The following SEMA4G variants were observed in gnomAD, a reference collection of about 807,000 sequenced individuals.
SEMA4G encodes semaphorin-4G.
A neutral mutation model predicts 81.2 loss-of-function variants in SEMA4G; 59 were observed. The observed-to-expected ratio is 0.73, with a 90% confidence interval of 0.59 to 0.90. The LOEUF (loss-of-function observed/expected upper bound fraction) is 0.90, where lower values mean the gene tolerates loss of function less well. SEMA4G is among the 40% of genes least tolerant of loss of function. The pLI is 0.00. For missense variants in SEMA4G, 952 were observed against 1,102.3 expected (o/e 0.86, Z 1.93); for synonymous variants, 404 against 433.9 (o/e 0.93, Z 0.86).
rs547176779 is a variant in SEMA4G at position 100,979,654 on chromosome 10, AG to A, written c.984-193del. On this transcript the variant is annotated intron_variant, in intron 8 of 13. Coordinates refer to ENST00000370250, the Ensembl canonical transcript of SEMA4G. ...CCTCGGCCTCTCAAAGTGCTGGCAA[AG>A]TGAGAATTTTAAGCACATCAAGCTA... is the stretch of plus-strand genomic sequence containing the variant. Among the ~76,000 whole-genome samples the A allele has an allele frequency of 3.7e-4, 57 of 152,180 alleles. 1 individual carries two copies. The East Asian group carries it at 0.011, about 28-fold the overall frequency.
chr10:100,978,133 G>C, intron 4 of SEMA4G, 162 bp from the exon 6 acceptor site: 1 of 609,576 alleles, frequency 1.6e-6, no homozygotes, highest in Non-Finnish European at 2.9e-6. Flanking sequence ...GAGGCCATAA[G>C]GTCATTCTCA....
At chr10:100,976,040 T>A (rs1224307108) in intron 3 of SEMA4G, among the ~76,000 whole-genome samples, 2 of 151,758 alleles carry the variant, frequency 1.3e-5, no homozygotes, top group African/African-American at 4.8e-5. Context: ...GGGGCATCAT[T>A]TGGGTCAGAG....
At position 100,979,332 on chromosome 10, in the gene SEMA4G, G is replaced by A. The variant is rs544145409; in HGVS notation, c.983+61G>A. On this transcript the variant is annotated intron_variant, in intron 8 of 13. Transcript: ENST00000370250. ...GGACAGCATAGGGGCTGGAGCAGAG[G>A]TCAATGAGGATGAGATAGGATCCAC... 43 of 1,614,074 alleles carry A rather than the reference G, an allele frequency of 2.7e-5. No individual in the cohort carries two copies. The South Asian group carries it at 4.5e-4, about 17-fold the overall frequency.
chr10:100,983,930 G>A (rs1199749295), exon 14 of SEMA4G: 13 of 462,972 alleles, frequency 2.8e-5, no homozygotes, highest in Middle Eastern at 1.0e-3. Context: ...CGCCCCCACC[G>A]CCACCGGCTG....
At position 100,973,527 on chromosome 10, in the gene SEMA4G, A is replaced by G. The variant is rs753821297; in HGVS notation, c.274-20A>G. The G allele has an allele frequency of 1.8e-5, 29 of 1,612,800 alleles. No individual in the cohort carries two copies. The highest frequency in any genetic ancestry group is 3.3e-5 in the Admixed American group (2 of 59,994). On this transcript the variant is annotated intron_variant, in intron 2 of 13. Transcript: ENST00000370250. The surrounding 1 kb of genome is among the most constrained non-coding windows in gnomAD (Gnocchi z 5.5). ...GGTATTGGGGTCAGTGCATCAGCCT[A>G]TTCCCTTTGCCTCCACTAGATCCAC...
chr10:100,985,081 C>T, downstream of SEMA4G: 1 of 617,262 alleles, frequency 1.6e-6, no homozygotes, highest in Non-Finnish European at 2.7e-6. Context: ...TCCTCACAGG[C>T]CCTTGCCTAG....
At chr10:100,979,063 C>T (rs1467148767) in intron 7 of SEMA4G, 39 bp from the exon 9 acceptor site, 1 of 1,612,952 alleles carries the variant, frequency 6.2e-7, no homozygotes, top group African/African-American at 1.3e-5. Flanking sequence ...GGCTGGACCT[C>T]TGACCCTGGC....
chr10:100,980,436 C>T (rs979224194), intron 10 of SEMA4G, 92 bp downstream of exon 11: 2 of 1,417,898 alleles, frequency 1.4e-6, no homozygotes, highest in Non-Finnish European at 9.9e-7. Flanking sequence ...CTGGAGTTCC[C>T]AGTGTCCTGA....
intron 3 of SEMA4G, among the ~76,000 whole-genome samples, chr10:100,975,748 C>T (rs1241418739): frequency 2.0e-5 from 3 of 151,834 alleles, no homozygotes; most frequent in African/African-American, 7.3e-5. Context: ...AGTAGTAGTC[C>T]CAGTCACATC....
intron 3 of SEMA4G, chr10:100,974,970 T>C: frequency 1.9e-6 from 1 of 522,072 alleles, no homozygotes; most frequent in East Asian, 5.5e-5. Flanking sequence ...TAAAAAAAAA[T>C]TCCCAAGATC....
At chr10:100,970,044 C>T, upstream of SEMA4G, 2 of 373,978 alleles carry the variant, frequency 5.3e-6, no homozygotes, top group Non-Finnish European at 1.1e-5. Flanking sequence ...GAGGGAAATA[C>T]CGCCTACACT....
intron 3 of SEMA4G, among the ~76,000 whole-genome samples, chr10:100,976,800 ACTTT>A (rs552598818): frequency 5.3e-5 from 8 of 152,228 alleles, no homozygotes; most frequent in Non-Finnish European, 1.0e-4. Flanking sequence ...ACCCCTTTGT[ACTTT>A]CTAAGTTTTA....
At chr10:100,978,672 G>C (rs745905478) in intron 6 of SEMA4G, 32 bp downstream of exon 7, 5 of 1,593,296 alleles carry the variant, frequency 3.1e-6, no homozygotes, top group Non-Finnish European at 3.4e-6. Flanking sequence ...ATGATGGGGG[G>C]TAGGGGACTA....
intron 13 of SEMA4G, chr10:100,981,628 T>G (rs796731612): frequency 2.3e-5 from 34 of 1,498,144 alleles, no homozygotes; most frequent in Middle Eastern, 1.8e-4. Flanking sequence ...AATACTTCTA[T>G]GCATGATGTC....
downstream of SEMA4G, chr10:100,985,417 C>T (rs1193217573): frequency 6.5e-6 from 1 of 153,078 alleles, no homozygotes; most frequent in African/African-American, 2.4e-5. Context: ...AACGTGGAAT[C>T]CCACGGGTTT....
chr10:100,973,576 A>C lies in SEMA4G; in HGVS notation c.303A>C (p.Gln101His). 1 of 1,614,072 alleles carries C rather than the reference A, an allele frequency of 6.2e-7. No homozygotes were observed. The highest frequency in any genetic ancestry group is 8.5e-7 in the Non-Finnish European group (1 of 1,180,016). ...ACTGGGAAGCCTCCCCAGAGATGCA[A>C]AGCAAATGTCATCAAAAAGGGAAAA... Residue 101 changes from glutamine to histidine, a missense_variant, in exon 3 of 14, where the codon CAA (glutamine) becomes CAC (histidine). Around this residue, in one of 3 missense-constraint regions of SEMA4G, gnomAD observed 436 missense variants for 488.2 expected, o/e 0.89. Transcript: ENST00000370250. The surrounding 1 kb of genome is among the most constrained non-coding windows in gnomAD (Gnocchi z 5.5).
At chr10:100,983,326 C>A in exon 14 of SEMA4G, 1 of 1,566,014 alleles carries the variant, frequency 6.4e-7, no homozygotes, top group Non-Finnish European at 8.7e-7. Context: ...CCACTGAAGA[C>A]CCGCTCTGTG....
In SEMA4G at chr10:100,973,320, T is replaced by A; in HGVS notation, c.273+43T>A. On this transcript the variant is annotated intron_variant, in intron 2 of 13. Coordinates refer to ENST00000370250, the Ensembl canonical transcript of SEMA4G. The surrounding 1 kb of genome is among the most constrained non-coding windows in gnomAD (Gnocchi z 5.5). ...GGACCACCCAGAGGGTCTCTATGCT[T>A]ATCCAGCTCCCTGGGACCTCAACTT... The A allele has an allele frequency of 8.7e-6, 14 of 1,605,954 alleles. No homozygotes were observed. Among genetic ancestry groups the A allele is most frequent in the Non-Finnish European group, 1.2e-5 (14 of 1,177,768 alleles).
Position 100,980,789 on chromosome 10 carries a change from C to T in SEMA4G, c.1468-33C>T, listed in dbSNP as rs532331884. 67 of 1,555,202 alleles carry T rather than the reference C, an allele frequency of 4.3e-5. 2 individuals carry two copies. Among genetic ancestry groups the T allele is most frequent in the South Asian group, 3.0e-4 (24 of 80,958 alleles). ...GGCTGTGTATCTGTATGAGTGGGGA[C>T]GCTGCCGACCAACTGTCCTATCTGG... On this transcript the variant is annotated intron_variant, in intron 11 of 13. Transcript: ENST00000370250.
Sources: allele counts gnomAD v4.1 joint callset (sites outside exome capture counted in the v4.1 genomes callset), GRCh38; gene constraint gnomAD v4.1.1; regional missense constraint gnomAD v4.1.1; non-coding constraint Gnocchi (gnomAD v3.1); transcripts MANE v1.5; gene names NCBI Gene and HGNC (gene_info 2026-07-23, HGNC 2026-07-21).